Variants in WDR1 observed in about 807,000 individuals in gnomAD.
WDR1 encodes the protein WD repeat-containing protein 1.
In WDR1, 21 loss-of-function variants were observed where a neutral mutation model predicts 71.9. The observed-to-expected ratio is 0.29, with a 90% CI of 0.21 to 0.42. The LOEUF (loss-of-function observed/expected upper bound fraction) is 0.42, where lower values mean the gene tolerates loss of function less well. Ranked by LOEUF, WDR1 falls within the 10% of genes least tolerant of loss-of-function variation. WDR1 has a pLI of 1.00. For missense variants in WDR1, 696 were observed against 824.5 expected, an observed-to-expected ratio of 0.84 and a Z score of 1.91; for synonymous variants, 424 against 347.4, an observed-to-expected ratio of 1.22 and a Z score of -2.45.
At chr4:10,083,608 G>T in intron 9 of WDR1, 1 of 485,200 alleles carries the variant, frequency 2.1e-6, no homozygotes, top group South Asian at 1.5e-5. Flanking sequence ...CAGCACATGC[G>T]GACCAGAGCT....
chr4:10,100,368 T>G (rs1712614267), intron 3 of WDR1, among the ~76,000 whole-genome samples: 1 of 152,184 alleles, frequency 6.6e-6, no homozygotes, highest in African/African-American at 2.4e-5. Flanking sequence ...AGGGCTGCTG[T>G]AGGTTCCACG....
chr4:10,094,287 C>T (rs1712188067), intron 5 of WDR1, among the ~76,000 whole-genome samples: 1 of 152,240 alleles, frequency 6.6e-6, no homozygotes. Flanking sequence ...GTGAGCCACA[C>T]TCCAGAGGGG....
At chr4:10,103,248 C>T (rs4263403) in intron 3 of WDR1, among the ~76,000 whole-genome samples, 94,103 of 150,428 alleles carry the variant, frequency 0.63, 30,363 homozygotes, top group Middle Eastern at 0.76. Context: ...TGACACAAAA[C>T]AAAACATCCA....
At chr4:10,093,747 G>A (rs1712156927) in intron 5 of WDR1, among the ~76,000 whole-genome samples, 1 of 152,228 alleles carries the variant, frequency 6.6e-6, no homozygotes, top group Non-Finnish European at 1.5e-5. Flanking sequence ...CCAGTCGACA[G>A]GAGGGGTGGC....
chr4:10,099,174 CGGT>C lies in WDR1; in HGVS notation c.230-38_230-36del, dbSNP rs775301771. 2.1e-4 allele frequency: 23 copies of C among 109,660 alleles called. 2 individuals carry two copies. The highest frequency in any genetic ancestry group is 4.1e-4 in the Non-Finnish European group (23 of 55,502). 6.8% of individuals were successfully genotyped at this position (109,660 alleles called of 1,614,324 possible). On this transcript the variant is annotated intron_variant, in intron 3 of 14. Transcript: ENST00000499869. ...ACAGCGGGCGGGGGAGGGGGGGAGG[CGGT>C]GGTGGGGTAAAGGGCAGGGGGAGAG...
At chr4:10,082,490 C>G (rs1407894781) in intron 10 of WDR1, among the ~76,000 whole-genome samples, 3 of 152,228 alleles carry the variant, frequency 2.0e-5, no homozygotes. Context: ...TTTAGGACTT[C>G]AGATCACTTG....
At chr4:10,089,240 C>G (rs1711805280) in intron 5 of WDR1, among the ~76,000 whole-genome samples, 1 of 152,210 alleles carries the variant, frequency 6.6e-6, no homozygotes, top group African/African-American at 2.4e-5. Context: ...TCCCGAGTAG[C>G]TGGGACGACA....
chr4:10,113,229 C>G lies in WDR1; in HGVS notation c.138+2884G>C, dbSNP rs190065861. 2.0e-5 allele frequency among the ~76,000 whole-genome samples: 3 copies of G among 152,266 alleles called. No homozygotes were observed. In the East Asian group the frequency reaches 5.8e-4, roughly 29 times the overall value. On this transcript the variant is annotated intron_variant, in intron 2 of 14. Transcript: ENST00000499869. ...TACAAAAATTAGCCAGGTGAATTGG[C>G]ACGTACCTGTAGTCCCCACTACTCG... is the stretch of plus-strand genomic sequence containing the variant.
chr4:10,093,517 C>T (rs967190164), intron 5 of WDR1, among the ~76,000 whole-genome samples: 8 of 152,242 alleles, frequency 5.3e-5, no homozygotes, highest in Admixed American at 1.3e-4. Context: ...CTGAGGGGCA[C>T]GAAGGAGCTA....
chr4:10,085,507 AGCGCG>A (rs746814131), intron 8 of WDR1, among the ~76,000 whole-genome samples: 1 of 152,206 alleles, frequency 6.6e-6, no homozygotes, highest in African/African-American at 2.4e-5. Flanking sequence ...AGTCCCTTAC[AGCGCG>A]GACCTCAGAC....
At chr4:10,095,574 G>T (rs1712290066) in intron 5 of WDR1, among the ~76,000 whole-genome samples, 1 of 152,162 alleles carries the variant, frequency 6.6e-6, no homozygotes, top group South Asian at 2.1e-4. Context: ...TTTCCTCTGG[G>T]GTCCGGAGGG....
chr4:10,078,814 A>T, intron 12 of WDR1, 77 bp downstream of exon 12: 2 of 1,271,258 alleles, frequency 1.6e-6, no homozygotes, highest in Non-Finnish European at 2.2e-6. Flanking sequence ...CAGCCCCGGT[A>T]CTCACACAGC....
At chr4:10,088,471 C>T (rs1415978489) in intron 6 of WDR1, 98 bp from the exon 7 acceptor site, 1 of 1,285,254 alleles carries the variant, frequency 7.8e-7, no homozygotes, top group Non-Finnish European at 1.1e-6. Context: ...CCGGGGCTCA[C>T]AGACTAAGCT....
At chr4:10,093,161 C>G in intron 5 of WDR1, 1 of 1,289,210 alleles carries the variant, frequency 7.8e-7, no homozygotes, top group Non-Finnish European at 1.0e-6. Flanking sequence ...CACACACATG[C>G]TCACTACCTA....
intron 4 of WDR1, 22 bp from the exon 5 acceptor site, chr4:10,097,913 G>C: frequency 8.2e-7 from 1 of 1,219,216 alleles, no homozygotes; most frequent in Non-Finnish European, 1.1e-6. Flanking sequence ...GACACAGGTG[G>C]AAGACAAAAA....
intron 9 of WDR1, chr4:10,083,651 G>A (rs773887069): frequency 8.3e-6 from 4 of 479,746 alleles, no homozygotes; most frequent in Admixed American, 6.5e-5. Context: ...AACACAGCAC[G>A]GTGCTCAGGG....
intron 7 of WDR1, 122 bp from the exon 8 acceptor site, chr4:10,088,062 G>C (rs1711701271): frequency 3.9e-6 from 4 of 1,032,392 alleles, no homozygotes; most frequent in Non-Finnish European, 4.2e-6. Flanking sequence ...GAGAGGGTGG[G>C]ACATGAGTGA....
chr4:10,081,328 C>A (rs750501805), intron 11 of WDR1, 29 bp downstream of exon 11: 4 of 1,608,258 alleles, frequency 2.5e-6, no homozygotes, highest in African/African-American at 1.3e-5. Context: ...GCTGCAGGCT[C>A]CCACCCAAAC....
rs769876932 is a variant in WDR1, at chr4:10,077,741, G to A, written c.1569+12C>T. On this transcript the variant is annotated intron_variant, in intron 13 of 14. Coordinates refer to ENST00000499869, the MANE Select transcript of WDR1 (RefSeq NM_017491.5). ...CAGCACGGGGACAGAGGAGGAGCCC[G>A]CCGCCACTCACCGAGTAGCCGTCAG... 38 of 1,562,872 alleles carry A rather than the reference G, an allele frequency of 2.4e-5. No homozygotes were observed. Among genetic ancestry groups the A allele is most frequent in the South Asian group, 1.8e-4 (15 of 84,292 alleles).
Sources: gnomAD v4.1 joint callset for allele counts (sites outside exome capture counted in the v4.1 genomes callset) on GRCh38, gnomAD v4.1.1 for gene constraint, MANE v1.5 for transcripts, NCBI Gene and HGNC (gene_info 2026-07-23, HGNC 2026-07-21) for gene names.